ERC2: variants seen among roughly 807,000 people sequenced by gnomAD.
ERC2 encodes the protein ERC protein 2.
A neutral mutation model predicts 114.8 loss-of-function variants in ERC2; 42 were observed. That is an observed-to-expected ratio of 0.37 (90% CI 0.29 to 0.47). ERC2 has a LOEUF of 0.47. Ranked by LOEUF, ERC2 falls within the 20% of genes least tolerant of loss-of-function variation. The pLI, the probability that ERC2 is intolerant of heterozygous loss-of-function variation, is 0.99. For missense variants in ERC2, 939 were observed against 1,150.7 expected (o/e 0.82, Z 2.66); for synonymous variants, 454 against 425.5 (o/e 1.07, Z -0.82).
chr3:55,718,085 C>T (rs892879554), intron 15 of ERC2, among the ~76,000 whole-genome samples: 4 of 152,088 alleles, frequency 2.6e-5, no homozygotes, highest in African/African-American at 4.8e-5. Flanking sequence ...TTTATGTGAC[C>T]GCTGTTCTGA....
chr3:56,372,792 C>T (rs979396208), intron 2 of ERC2, among the ~76,000 whole-genome samples: 18 of 152,156 alleles, frequency 1.2e-4, no homozygotes, highest in Middle Eastern at 3.4e-3. Flanking sequence ...GGAGCTAGAA[C>T]TGAGCTCTAA....
intron 14 of ERC2, among the ~76,000 whole-genome samples, chr3:55,768,193 A>G (rs1030561331): frequency 6.6e-6 from 1 of 152,198 alleles, no homozygotes; most frequent in Non-Finnish European, 1.5e-5. Flanking sequence ...TTTTCTGTAT[A>G]AATTACCTAG....
Position 56,216,958 on chromosome 3 carries a change from C to T in ERC2, c.1075-43438G>A, listed in dbSNP as rs2049523422. On this transcript the variant is annotated intron_variant, in intron 3 of 17. Coordinates refer to ENST00000288221, the MANE Select transcript of ERC2 (RefSeq NM_015576.3). ...ATTCAACAACACTTCATGCTAAAAACTCTCAATAAATTAGGTATTGATGGG... is the reference window on the plus strand; with the variant it reads ...ATTCAACAACACTTCATGCTAAAAATTCTCAATAAATTAGGTATTGATGGG... 1.1e-4 allele frequency among the ~76,000 whole-genome samples: 17 copies of T among 152,310 alleles called. No homozygotes were observed. The South Asian group carries it at 3.5e-3, about 32-fold the overall frequency.
chr3:55,657,968 G>A (rs1237452706), intron 17 of ERC2: 1 of 152,110 alleles, frequency 6.6e-6, no homozygotes, highest in Non-Finnish European at 1.5e-5. Context: ...CTGGAGCTCT[G>A]AGGTATAGCT....
At chr3:55,610,416 C>G (rs780381434) in intron 17 of ERC2, among the ~76,000 whole-genome samples, 1 of 151,338 alleles carries the variant, frequency 6.6e-6, no homozygotes, top group Non-Finnish European at 1.5e-5. Flanking sequence ...TTTACAAAAG[C>G]CATATAAAAT....
At chr3:55,652,986 T>A (rs1184937058) in intron 17 of ERC2, among the ~76,000 whole-genome samples, 2 of 152,124 alleles carry the variant, frequency 1.3e-5, no homozygotes, top group Admixed American at 6.5e-5. Context: ...GGTGTCTGAG[T>A]TCATGGCTTA....
intron 2 of ERC2, among the ~76,000 whole-genome samples, chr3:56,426,082 G>C (rs1452105076): frequency 6.6e-6 from 1 of 152,160 alleles, no homozygotes; most frequent in African/African-American, 2.4e-5. Context: ...TCCTTTATCA[G>C]GAAAGAAAAA....
intron 3 of ERC2, among the ~76,000 whole-genome samples, chr3:56,238,056 ACT>A (rs1423171457): frequency 2.6e-5 from 4 of 151,852 alleles, no homozygotes; most frequent in Non-Finnish European, 5.9e-5. Flanking sequence ...GGCCAGAGGG[ACT>A]CTTGTCCTGG....
At chr3:56,442,021 A>G (rs1241767745) in intron 1 of ERC2, among the ~76,000 whole-genome samples, 1 of 152,198 alleles carries the variant, frequency 6.6e-6, no homozygotes, top group Admixed American at 6.5e-5. Context: ...AAATTAATTA[A>G]TTAGTTAATT....
intron 7 of ERC2, among the ~76,000 whole-genome samples, chr3:56,031,796 A>G (rs2074393946): frequency 6.6e-6 from 1 of 152,356 alleles, no homozygotes; most frequent in South Asian, 2.1e-4. Context: ...AAAAACAAGA[A>G]AAAACAATAA....
At position 56,308,636 on chromosome 3, in the gene ERC2, T is replaced by A. The variant is rs557907188; in HGVS notation, c.658-12201A>T. Among the ~76,000 whole-genome samples the A allele has an allele frequency of 2.6e-5, 4 of 152,330 alleles. No individual in the cohort carries two copies. In the East Asian group the frequency reaches 5.8e-4, roughly 22 times the overall value. On this transcript the variant is annotated intron_variant, in intron 2 of 17. Transcript: ENST00000288221. ...TGGAAAATATGAGCTCCTGGCAGGT[T>A]TGAAAAACTGTGTGACCTTAAGCTC...
chr3:55,765,091 T>C (rs1388117532), intron 14 of ERC2, among the ~76,000 whole-genome samples: 1 of 152,138 alleles, frequency 6.6e-6, no homozygotes, highest in Non-Finnish European at 1.5e-5. Flanking sequence ...GTCAGAAAAA[T>C]AGGTCAAAAC....
chr3:55,651,795 TTAGAC>T (rs1217867197), intron 17 of ERC2, among the ~76,000 whole-genome samples: 4 of 152,226 alleles, frequency 2.6e-5, no homozygotes, highest in African/African-American at 4.8e-5. Context: ...GTGTTTTTAA[TTAGAC>T]TCATTCTGCC....
intron 15 of ERC2, among the ~76,000 whole-genome samples, chr3:55,724,314 G>A (rs990984051): frequency 6.6e-6 from 1 of 152,200 alleles, no homozygotes; most frequent in Non-Finnish European, 1.5e-5. Context: ...GAAGGGTCAG[G>A]AGGGGTGGGG....
At position 56,297,124 on chromosome 3, in the gene ERC2, G is replaced by GA. The variant is rs1160118997; in HGVS notation, c.658-690dup. 5.0e-4 allele frequency among the ~76,000 whole-genome samples: 67 copies of GA among 135,070 alleles called. 1 individual carries two copies. In the Middle Eastern group the frequency reaches 0.047, roughly 95 times the overall value. 88.6% of individuals were successfully genotyped at this position (135,070 alleles called of 152,430 possible). On this transcript the variant is annotated intron_variant, in intron 2 of 17. Transcript: ENST00000288221. Reference sequence around the variant, plus strand: ...CCAGTAACTGAACAGCATGGTAAATGAAAAAAAAATGAAGCAAAAAATCAA... The same window carrying GA: ...CCAGTAACTGAACAGCATGGTAAATGAAAAAAAAAATGAAGCAAAAAATCAA...
intron 17 of ERC2, among the ~76,000 whole-genome samples, chr3:55,550,792 A>G (rs889189910): frequency 3.4e-4 from 51 of 151,980 alleles, no homozygotes; most frequent in Middle Eastern, 3.4e-3. Context: ...CAAGGCGGGC[A>G]GATCACGAGG....
intron 14 of ERC2, among the ~76,000 whole-genome samples, chr3:55,744,866 A>G (rs771219786): frequency 3.3e-5 from 5 of 152,258 alleles, no homozygotes; most frequent in Non-Finnish European, 4.4e-5. Flanking sequence ...TAACCGGATC[A>G]TCGTGAGAAT....
chr3:55,879,493 C>T (rs2063023871), intron 14 of ERC2, among the ~76,000 whole-genome samples: 1 of 152,150 alleles, frequency 6.6e-6, no homozygotes, highest in Non-Finnish European at 1.5e-5. Flanking sequence ...CCTTATAGGT[C>T]AGCTATCCCC....
intron 3 of ERC2, among the ~76,000 whole-genome samples, chr3:56,259,382 A>G (rs1576133755): frequency 6.6e-6 from 1 of 152,048 alleles, no homozygotes; most frequent in South Asian, 2.1e-4. Flanking sequence ...CTATAGGTCA[A>G]CCCGCCTTAC....
Sources: allele counts gnomAD v4.1 joint callset (sites outside exome capture counted in the v4.1 genomes callset), GRCh38; gene constraint gnomAD v4.1.1; transcripts MANE v1.5; gene names NCBI Gene and HGNC (gene_info 2026-07-23, HGNC 2026-07-21).